STS: variants seen among roughly 807,000 people sequenced by gnomAD.
STS encodes the protein steroid sulfatase, also known as steryl-sulfatase.
STS carries 7 observed loss-of-function variants against 26.8 expected under a neutral mutation model. That is an observed-to-expected ratio of 0.26 (90% CI 0.15 to 0.49). The LOEUF (loss-of-function observed/expected upper bound fraction) is 0.49. STS is among the 20% of genes least tolerant of loss of function. STS has a pLI of 0.98. For synonymous variants in STS, 199 were observed against 189.4 expected, an observed-to-expected ratio of 1.05 and a Z score of -0.42; for missense variants, 434 against 465.6, an observed-to-expected ratio of 0.93 and a Z score of 0.63.
At chrX:7,204,201 G>T (rs928981489) in intron 2 of STS, among the ~76,000 whole-genome samples, 4 of 111,459 alleles carry the variant, frequency 3.6e-5, no homozygotes, top group Non-Finnish European at 7.5e-5. Context: ...TTCAAAAATC[G>T]AGAATATTCT....
At chrX:7,348,371 T>G (rs962454916) in intron 10 of STS, among the ~76,000 whole-genome samples, 5 of 112,322 alleles carry the variant, frequency 4.5e-5, no homozygotes, top group Non-Finnish European at 9.4e-5. Context: ...TGCCATTATA[T>G]GCACAAATGA....
Position 7,257,502 on chromosome X carries a change from T to C in STS, c.296T>C (p.Phe99Ser). 2 of 1,212,204 alleles carry C rather than the reference T, an allele frequency of 1.6e-6. No homozygotes were observed. The highest frequency in any genetic ancestry group is 2.2e-6 in the Non-Finnish European group (2 of 895,522). The change falls in exon 5 of 11, where the codon TTC (phenylalanine) becomes TCC (serine). Residue 99 changes from phenylalanine (F) to serine (S), a missense_variant. Phe to Ser is a radical substitution (Grantham distance 155, BLOSUM62 -2). Transcript: ENST00000674429. ...ASWSRTGVFL[F>S]TASSGGLPTD... is the part of the protein sequence containing the mutation. ...TGGTCCCGCACTGGAGTTTTCCTCT[T>C]CACAGCCTCTTCGGGAGGACTTCCC...
chrX:7,180,256 C>G (rs1933655322), intron 1 of STS, among the ~76,000 whole-genome samples: 1 of 111,673 alleles, frequency 9.0e-6, no homozygotes, highest in African/African-American at 3.3e-5. Context: ...TTTCCTGCAA[C>G]TAGACGATCC....
intron 2 of STS, among the ~76,000 whole-genome samples, chrX:7,192,786 A>G (rs1413975272): frequency 2.7e-5 from 3 of 111,560 alleles, no homozygotes; most frequent in Non-Finnish European, 3.8e-5. Flanking sequence ...TTTGCCCTTC[A>G]GAGAGAATTT....
intron 3 of STS, among the ~76,000 whole-genome samples, chrX:7,256,145 G>T (rs1923397059): frequency 1.8e-5 from 2 of 112,042 alleles, no homozygotes; most frequent in South Asian, 7.4e-4. Flanking sequence ...GACAAGCCAG[G>T]CAGGGAGGAA....
intron 7 of STS, among the ~76,000 whole-genome samples, chrX:7,287,215 G>C (rs1422620784): frequency 9.0e-6 from 1 of 111,215 alleles, no homozygotes; most frequent in African/African-American, 3.3e-5. Flanking sequence ...GTGTGAGATA[G>C]CATGTCACAT....
chrX:7,206,655 A>G (rs1212464483), intron 2 of STS, among the ~76,000 whole-genome samples: 1 of 111,956 alleles, frequency 8.9e-6, no homozygotes, highest in Non-Finnish European at 1.9e-5. Context: ...CCAAACCAAC[A>G]TAGAGCTGTG....
At position 7,350,870 on chromosome X, in the gene STS, C is replaced by G. The variant is rs1202698671; in HGVS notation, c.*609C>G. 2.6e-5 allele frequency: 3 copies of G among 113,361 alleles called. No homozygotes were observed. Among genetic ancestry groups the G allele is most frequent in the Non-Finnish European group, 5.5e-5 (3 of 54,417 alleles). 9.3% of individuals were successfully genotyped at this position (113,361 alleles called of 1,213,427 possible). ...AGTTAAAACACATATCAAATGCTTG[C>G]TCTTCATCATATATATAGTTATGCA... On this transcript the variant is annotated 3_prime_UTR_variant, in exon 11 of 11. Transcript: ENST00000674429.
At position 7,279,311 on chromosome X, in the gene STS, ATGTGTGTGTGTG is replaced by A. The variant is rs532132394; in HGVS notation, c.943+3240_943+3251del. ...AAAAAAAATATATATATATATATAT[ATGTGTGTGTGTG>A]TGTGTGTGTGTGTGTATGTGTGTGT... On this transcript the variant is annotated intron_variant, in intron 7 of 10. Coordinates refer to ENST00000674429, the MANE Select transcript of STS (RefSeq NM_001320752.2). Among the ~76,000 whole-genome samples, 18 of 78,118 alleles carry A rather than the reference ATGTGTGTGTGTG, an allele frequency of 2.3e-4. No individual in the cohort carries two copies. The South Asian group carries it at 3.5e-3, about 15-fold the overall frequency. 67.8% of individuals were successfully genotyped at this position (78,118 alleles called of 115,157 possible).
intron 2 of STS, among the ~76,000 whole-genome samples, chrX:7,227,453 T>TG (rs769876019): frequency 2.7e-5 from 3 of 110,168 alleles, no homozygotes; most frequent in African/African-American, 9.8e-5. Context: ...TCGTTGTTTT[T>TG]TTTTTTTTTT....
intron 2 of STS, among the ~76,000 whole-genome samples, chrX:7,212,405 G>A (rs1921070911): frequency 9.0e-6 from 1 of 111,652 alleles, no homozygotes; most frequent in East Asian, 2.8e-4. Context: ...CCGGGAGGCA[G>A]AGGTTGCAGT....
At chrX:7,178,334 T>A (rs1294687117) in intron 1 of STS, among the ~76,000 whole-genome samples, 8 of 112,220 alleles carry the variant, frequency 7.1e-5, no homozygotes, top group African/African-American at 2.6e-4. Context: ...TGTTCAATGA[T>A]GCTACCTTTG....
intron 2 of STS, among the ~76,000 whole-genome samples, chrX:7,197,801 C>A (rs1407673718): frequency 9.0e-6 from 1 of 111,119 alleles, no homozygotes. Flanking sequence ...GTTCCAGCCT[C>A]ATTTTCCTAG....
chrX:7,294,830 G>A (rs369837794), intron 7 of STS, among the ~76,000 whole-genome samples: 49 of 111,691 alleles, frequency 4.4e-4, no homozygotes, highest in African/African-American at 1.5e-3. Flanking sequence ...AGAGTCTCCT[G>A]CTCTGGAGCT....
chrX:7,234,208 C>G (rs1336103509), intron 2 of STS, among the ~76,000 whole-genome samples: 7 of 112,191 alleles, frequency 6.2e-5, no homozygotes, highest in African/African-American at 2.3e-4. Flanking sequence ...TATACAAAAC[C>G]TATCATGACC....
At chrX:7,299,312 T>C (rs1241959431) in intron 7 of STS, among the ~76,000 whole-genome samples, 1 of 98,831 alleles carries the variant, frequency 1.0e-5, no homozygotes, top group Non-Finnish European at 2.0e-5. Flanking sequence ...TATATAATTA[T>C]ATTAATTAAA....
chrX:7,184,364 C>A (rs1444719767), intron 1 of STS, among the ~76,000 whole-genome samples: 1 of 112,583 alleles, frequency 8.9e-6, no homozygotes, highest in African/African-American at 3.2e-5. Flanking sequence ...AGACTCCCTG[C>A]AGCATGACTG....
intron 2 of STS, among the ~76,000 whole-genome samples, chrX:7,231,120 T>C (rs189873732): frequency 8.9e-6 from 1 of 111,977 alleles, no homozygotes; most frequent in East Asian, 2.8e-4. Flanking sequence ...ATTCCATTCA[T>C]ATGAAATGTC....
At chrX:7,274,287 G>A (rs1417953421) in intron 6 of STS, among the ~76,000 whole-genome samples, 1 of 111,292 alleles carries the variant, frequency 9.0e-6, no homozygotes, top group East Asian at 2.8e-4. Flanking sequence ...GGGCAGTGAG[G>A]CAGGGGCTGT....
Sources: gnomAD v4.1 joint callset for allele counts (sites outside exome capture counted in the v4.1 genomes callset) on GRCh38, gnomAD v4.1.1 for gene constraint, MANE v1.5 for transcripts, NCBI Gene and HGNC (gene_info 2026-07-23, HGNC 2026-07-21) for gene names.